The following SORCS3 variants were observed in gnomAD, a reference collection of about 807,000 sequenced individuals.
SORCS3 encodes the protein VPS10 domain-containing receptor SorCS3.
SORCS3 carries 57 observed loss-of-function variants against 146.3 expected under a neutral mutation model. The ratio of observed to expected loss-of-function variants is 0.39; its 90% confidence interval spans 0.31 to 0.49. The LOEUF is 0.49. Ranked by LOEUF, SORCS3 falls within the 20% of genes least tolerant of loss-of-function variation. SORCS3 has a pLI of 0.92. For missense variants in SORCS3, 1,341 were observed against 1,575.5 expected, an observed-to-expected ratio of 0.85 and a Z score of 2.52; for synonymous variants, 653 against 618.5, an observed-to-expected ratio of 1.06 and a Z score of -0.83.
chr10:105,007,384 G>T (rs1330736933), intron 4 of SORCS3, among the ~76,000 whole-genome samples: 1 of 151,978 alleles, frequency 6.6e-6, no homozygotes, highest in Non-Finnish European at 1.5e-5. Flanking sequence ...TATATTCCAG[G>T]CAGTGCACCA....
intron 20 of SORCS3, among the ~76,000 whole-genome samples, chr10:105,229,174 GT>G (rs1337408706): frequency 6.6e-6 from 1 of 151,694 alleles, no homozygotes; most frequent in Admixed American, 6.6e-5. Flanking sequence ...CATTTGGTGG[GT>G]TCTTCTGTTC....
At chr10:105,229,027 G>A (rs150245746) in intron 20 of SORCS3, among the ~76,000 whole-genome samples, 1 of 152,206 alleles carries the variant, frequency 6.6e-6, no homozygotes, top group Non-Finnish European at 1.5e-5. Flanking sequence ...TAGCACATAA[G>A]CTTTGCTCAT....
intron 1 of SORCS3, among the ~76,000 whole-genome samples, chr10:104,818,177 T>C (rs1308733630): frequency 6.6e-6 from 1 of 152,132 alleles, no homozygotes; most frequent in Admixed American, 6.6e-5. Flanking sequence ...CTCACTTCTT[T>C]CTGTAATTCA....
chr10:104,645,825 A>G (rs2015489247), intron 1 of SORCS3, among the ~76,000 whole-genome samples: 1 of 152,198 alleles, frequency 6.6e-6, no homozygotes, highest in Non-Finnish European at 1.5e-5. Context: ...ATTTGATCAG[A>G]TTAATTGTAT....
intron 20 of SORCS3, among the ~76,000 whole-genome samples, chr10:105,231,235 T>A (rs1195732814): frequency 1.3e-5 from 2 of 152,234 alleles, no homozygotes; most frequent in Admixed American, 6.5e-5. Context: ...TTCTTCTTTG[T>A]GGAGAAGACC....
At chr10:105,238,550 C>T (rs1011235204) in intron 20 of SORCS3, among the ~76,000 whole-genome samples, 9 of 152,016 alleles carry the variant, frequency 5.9e-5, no homozygotes, top group African/African-American at 1.9e-4. Flanking sequence ...ACTAATTCAG[C>T]CAAAGTTAAA....
At chr10:105,169,239 A>G (rs1225184403) in intron 13 of SORCS3, among the ~76,000 whole-genome samples, 1 of 152,066 alleles carries the variant, frequency 6.6e-6, no homozygotes, top group Non-Finnish European at 1.5e-5. Context: ...CTGGCTGCTA[A>G]TTTTCTATAT....
At chr10:105,100,480 G>A (rs915527961) in intron 6 of SORCS3, among the ~76,000 whole-genome samples, 3 of 152,280 alleles carry the variant, frequency 2.0e-5, no homozygotes, top group African/African-American at 7.2e-5. Flanking sequence ...TATTTCATGA[G>A]CTTTGCTTAC....
At chr10:104,860,246 AT>A (rs2018385014) in intron 2 of SORCS3, among the ~76,000 whole-genome samples, 1 of 112,996 alleles carries the variant, frequency 8.8e-6, no homozygotes, top group South Asian at 3.0e-4. Flanking sequence ...GCCATAAAAA[AT>A]GATGAGTTCA....
rs538850942 is a variant in SORCS3 at position 105,002,770 on chromosome 10, T to C, written c.954+25277T>C. On this transcript the variant is annotated intron_variant, in intron 4 of 26. Transcript: ENST00000369701. ...GAGTCAGAAGGCCTGGATTGGAACCTGGCTCTGTTCCTTAGCATCTGTGTA... is the reference window on the plus strand; with the variant it reads ...GAGTCAGAAGGCCTGGATTGGAACCCGGCTCTGTTCCTTAGCATCTGTGTA... Among the ~76,000 whole-genome samples, 169 of 152,336 alleles carry C rather than the reference T, an allele frequency of 1.1e-3. 5 individuals are homozygous for C. The South Asian group carries it at 0.034, about 30-fold the overall frequency.
chr10:104,697,985 C>T (rs1167018002), intron 1 of SORCS3, among the ~76,000 whole-genome samples: 3 of 152,104 alleles, frequency 2.0e-5, no homozygotes, highest in African/African-American at 4.8e-5. Context: ...GCTGCCTGCA[C>T]CTGTTGTGCT....
intron 3 of SORCS3, among the ~76,000 whole-genome samples, chr10:104,930,207 AAT>A (rs1351021945): frequency 2.0e-5 from 3 of 152,244 alleles, no homozygotes; most frequent in African/African-American, 7.2e-5. Flanking sequence ...GTATAAGGTA[AAT>A]ACTGTTATTC....
chr10:104,687,073 TCATCCATCCATG>T (rs1401989592), intron 1 of SORCS3, among the ~76,000 whole-genome samples: 1 of 151,538 alleles, frequency 6.6e-6, no homozygotes, highest in African/African-American at 2.4e-5. Context: ...ATCCATCCAG[TCATCCATCCATG>T]CATCCATGCA....
At chr10:104,955,474 T>C (rs564169433) in intron 3 of SORCS3, among the ~76,000 whole-genome samples, 11 of 152,380 alleles carry the variant, frequency 7.2e-5, no homozygotes, top group African/African-American at 2.4e-4. Flanking sequence ...ATAGAGCTGC[T>C]ATGAACAGGC....
chr10:105,108,540 A>G (rs1424646367), intron 7 of SORCS3, among the ~76,000 whole-genome samples: 1 of 152,132 alleles, frequency 6.6e-6, no homozygotes. Context: ...TCAGAGTTCA[A>G]TGAGATGAGC....
At chr10:105,176,804 G>A (rs972315796) in intron 13 of SORCS3, among the ~76,000 whole-genome samples, 2 of 151,600 alleles carry the variant, frequency 1.3e-5, no homozygotes, top group Non-Finnish European at 2.9e-5. Context: ...GCAGTGAGCC[G>A]AGATCGTGTC....
intron 20 of SORCS3, among the ~76,000 whole-genome samples, chr10:105,238,984 A>G (rs1219317832): frequency 6.6e-6 from 1 of 152,176 alleles, no homozygotes; most frequent in Non-Finnish European, 1.5e-5. Context: ...TTAGCTTTAA[A>G]CTACTAGTTT....
At chr10:105,067,974 C>T (rs971400388) in intron 5 of SORCS3, among the ~76,000 whole-genome samples, 2 of 152,014 alleles carry the variant, frequency 1.3e-5, no homozygotes, top group Non-Finnish European at 2.9e-5. Context: ...CATTTCCCCA[C>T]TCTCATCAAT....
At chr10:104,772,126 T>G (rs1009740601) in intron 1 of SORCS3, among the ~76,000 whole-genome samples, 1 of 152,070 alleles carries the variant, frequency 6.6e-6, no homozygotes, top group African/African-American at 2.4e-5. Context: ...ACGGGAACAC[T>G]CCCTGCCTGT....
Sources: allele counts gnomAD v4.1 joint callset (sites outside exome capture counted in the v4.1 genomes callset), GRCh38; gene constraint gnomAD v4.1.1; transcripts MANE v1.5; gene names NCBI Gene and HGNC (gene_info 2026-07-23, HGNC 2026-07-21).